Variants in AXL observed in about 807,000 individuals in gnomAD.
AXL encodes the protein AXL receptor tyrosine kinase, also known as tyrosine-protein kinase receptor UFO.
AXL carries 52 observed loss-of-function variants against 104.5 expected under a neutral mutation model. The observed-to-expected ratio is 0.50, with a 90% CI of 0.40 to 0.63. The LOEUF (loss-of-function observed/expected upper bound fraction) is 0.63. Ranked by LOEUF, AXL falls within the 20% of genes least tolerant of loss-of-function variation. AXL has a pLI of 0.00. For synonymous variants in AXL, 455 were observed against 473.7 expected (o/e 0.96, Z 0.51); for missense variants, 1,024 against 1,188.5 (o/e 0.86, Z 2.04).
Position 41,258,823 on chromosome 19 carries a change from C to A in AXL, c.2334-730C>A, listed in dbSNP as rs148290878. Reference sequence around the variant, plus strand: ...AAACGTTTATTATCTCACACAATTTCTGAAAGTTGGATACTGGGAACAGCT... The same window carrying A: ...AAACGTTTATTATCTCACACAATTTATGAAAGTTGGATACTGGGAACAGCT... On this transcript the variant is annotated intron_variant, in intron 19 of 19. Transcript: ENST00000301178. Among the ~76,000 whole-genome samples, 28 of 152,320 alleles carry A rather than the reference C, an allele frequency of 1.8e-4. No individual in the cohort carries two copies. In the East Asian group the frequency reaches 5.4e-3, roughly 29 times the overall value.
In AXL at chr19:41,260,009, C is replaced by A; in HGVS notation, c.*105C>A. ...CCACCCCACGCCTTATCCCCACTTG[C>A]AGCCCTGTCTTCCTACCTATCCCAC... On this transcript the variant is annotated 3_prime_UTR_variant, in exon 20 of 20. Transcript: ENST00000301178. 1 of 1,075,412 alleles carries A rather than the reference C, an allele frequency of 9.3e-7. No homozygotes were observed. Among genetic ancestry groups the A allele is most frequent in the Non-Finnish European group, 1.3e-6 (1 of 764,734 alleles). The allele number at this position is 1,075,412 out of a possible 1,614,324, so 66.6% of individuals were successfully genotyped here. A position where few individuals can be genotyped will look rare whatever the true frequency, so the allele number is the denominator to read the frequency against.
At chr19:41,238,737 A>G (rs2034128493) in intron 8 of AXL, 128 bp downstream of exon 8, 2 of 1,333,622 alleles carry the variant, frequency 1.5e-6, no homozygotes, top group Middle Eastern at 2.1e-4. Flanking sequence ...GGGCACATTC[A>G]GGGAAGGTTC....
intron 14 of AXL, among the ~76,000 whole-genome samples, chr19:41,251,185 C>A (rs1042566653): frequency 6.6e-6 from 1 of 152,146 alleles, no homozygotes; most frequent in Non-Finnish European, 1.5e-5. Context: ...TGCCTGTAAT[C>A]CCAGTGCTTT....
At chr19:41,240,843 C>T (rs4803450) in intron 10 of AXL, among the ~76,000 whole-genome samples, 1 of 152,058 alleles carries the variant, frequency 6.6e-6, no homozygotes, top group Non-Finnish European at 1.5e-5. Context: ...TTCCCACACC[C>T]GATTCTCCTT....
rs1345028897 is a variant in AXL, at chr19:41,261,729, G to A, written c.*1825G>A. 6.6e-6 allele frequency: 1 copy of A among 152,470 alleles called. No individual in the cohort carries two copies. The allele number at this position is 152,470 out of a possible 1,614,324, so 9.4% of individuals were successfully genotyped here. A position where few individuals can be genotyped will look rare whatever the true frequency, so the allele number is the denominator to read the frequency against. On this transcript the variant is annotated 3_prime_UTR_variant, in exon 20 of 20. Coordinates refer to ENST00000301178, the MANE Select transcript of AXL (RefSeq NM_021913.5). ...CAGAGTGTGGACTCTGGTGCCTCCA[G>A]AGGGGCTCAGGTCACATAAAACTTT...
chr19:41,248,956 A>G, intron 14 of AXL, 136 bp downstream of exon 14: 2 of 870,458 alleles, frequency 2.3e-6, no homozygotes, highest in Non-Finnish European at 3.5e-6. Context: ...CAGGTACCTC[A>G]ATAGAAGGAA....
chr19:41,238,124 C>T lies in AXL; in HGVS notation c.964C>T (p.His322Tyr), dbSNP rs1437883950. 1 of 1,614,124 alleles carries T rather than the reference C, an allele frequency of 6.2e-7. No individual in the cohort carries two copies. Among genetic ancestry groups the T allele is most frequent in the Non-Finnish European group, 8.5e-7 (1 of 1,180,018 alleles). Residue 322 changes from histidine (H) to tyrosine (Y), a missense_variant, in exon 7 of 20, where the codon CAC becomes TAC. His to Tyr is a moderately conservative substitution (Grantham distance 83, BLOSUM62 2). Around this residue, in one of 5 missense-constraint regions of AXL, gnomAD observed 332 missense variants for 343.9 expected, o/e 0.97. Coordinates refer to ENST00000301178, the MANE Select transcript of AXL (RefSeq NM_021913.5). ...TSSQGPSSWTHWLPVETPEGV... is the reference protein window; with the variant it reads ...TSSQGPSSWTYWLPVETPEGV... ...CAGCCAGGGCCCCTCATCCTGGACC[C>T]ACTGGCTTCCTGTGGAGACGCCGGA...
chr19:41,251,879 C>T (rs763149853), intron 14 of AXL, among the ~76,000 whole-genome samples: 2 of 151,528 alleles, frequency 1.3e-5, no homozygotes, highest in Non-Finnish European at 2.9e-5. Context: ...TTTGGGAGGC[C>T]GAGGCGGGCA....
intron 1 of AXL, chr19:41,220,422 C>T (rs557832833): frequency 1.7e-4 from 92 of 542,378 alleles, no homozygotes; most frequent in East Asian, 2.5e-4. Flanking sequence ...TCCTTCCCGA[C>T]GGGATGGACG....
chr19:41,241,426 C>T (rs1306306613), intron 10 of AXL, among the ~76,000 whole-genome samples: 1 of 151,742 alleles, frequency 6.6e-6, no homozygotes, highest in African/African-American at 2.4e-5. Flanking sequence ...AGCCTGTAAT[C>T]CCAGCTGCTC....
intron 12 of AXL, among the ~76,000 whole-genome samples, chr19:41,247,677 G>A (rs929322050): frequency 4.6e-5 from 7 of 151,256 alleles, no homozygotes; most frequent in African/African-American, 1.5e-4. Flanking sequence ...CTCCACCCCT[G>A]GGCTCAAGTG....
chr19:41,221,864 C>T lies in AXL; in HGVS notation c.410-16C>T, dbSNP rs201836604. 1.4e-4 allele frequency: 233 copies of T among 1,612,404 alleles called. 1 individual carries two copies. The East Asian group carries it at 3.6e-3, about 25-fold the overall frequency. On this transcript the variant is annotated splice_polypyrimidine_tract_variant and intron_variant, in intron 3 of 19. Coordinates refer to ENST00000301178, the MANE Select transcript of AXL (RefSeq NM_021913.5). The stretch of plus-strand genomic sequence containing the variant: ...CTCAGAGGGACCCCAGCCTCTACCA[C>T]TGCCCACCCCGCTAGGCTTGCCTTA...
intron 6 of AXL, among the ~76,000 whole-genome samples, chr19:41,235,088 C>G (rs564487909): frequency 3.3e-5 from 5 of 152,128 alleles, no homozygotes; most frequent in East Asian, 3.9e-4. Flanking sequence ...CACGGTGGCT[C>G]GTGCCTGTGA....
rs768003129 is a variant in AXL, at chr19:41,259,770, T to A, written c.2551T>A (p.Ser851Thr). The A allele has an allele frequency of 2.0e-5, 33 of 1,613,938 alleles. No homozygotes were observed. Among genetic ancestry groups the A allele is most frequent in the Non-Finnish European group, 5.1e-6 (6 of 1,179,996 alleles). The change falls in exon 20 of 20, where the codon TCC (serine) becomes ACC (threonine). Residue 851 changes from serine (S) to threonine (T), a missense_variant. Around this residue, in one of 5 missense-constraint regions of AXL, gnomAD observed 523 missense variants for 636.0 expected, o/e 0.82. Transcript: ENST00000301178. ...CCCAACCCAGCCAGACCCTAAGGAT[T>A]CCTGTAGCTGCCTCACTGCGGCTGA... ...DPPTQPDPKDSCSCLTAAEVH... is the reference protein window; with the variant it reads ...DPPTQPDPKDTCSCLTAAEVH...
intron 4 of AXL, among the ~76,000 whole-genome samples, chr19:41,227,646 C>T (rs771989091): frequency 7.2e-5 from 11 of 151,950 alleles, no homozygotes; most frequent in Admixed American, 2.0e-4. Context: ...CCACCATGCC[C>T]GGCTGATTTT....
chr19:41,242,925 A>C lies in AXL; in HGVS notation c.1355A>C (p.Tyr452Ser). 19 of 1,614,152 alleles carry C rather than the reference A, an allele frequency of 1.2e-5. No homozygotes were observed. Among genetic ancestry groups the C allele is most frequent in the Non-Finnish European group, 1.5e-5 (18 of 1,180,000 alleles). The change falls in exon 11 of 20, where the codon TAT becomes TCT. Residue 452 changes from tyrosine to serine, a missense_variant. Physicochemically the swap from Tyr to Ser is moderately radical, Grantham distance 144. Around this residue, in one of 5 missense-constraint regions of AXL, gnomAD observed 523 missense variants for 636.0 expected, o/e 0.82. Transcript: ENST00000301178. ...CCTGCCTTCTCGTGGCCCTGGTGGT[A>C]TGTACTGCTAGGAGCAGTCGTGGCC... is the stretch of plus-strand genomic sequence containing the variant. ...STPAFSWPWW[Y>S]VLLGAVVAAA...
intron 6 of AXL, 119 bp downstream of exon 6, chr19:41,231,417 CTGGGGGGTT>C: frequency 4.3e-6 from 4 of 937,084 alleles, no homozygotes; most frequent in Non-Finnish European, 6.3e-6. Context: ...GCAGTAGAGC[CTGGGGGGTT>C]AAGCCAGATG....
At chr19:41,228,924 T>TTTTC (rs1351069846) in intron 4 of AXL, among the ~76,000 whole-genome samples, 55 of 151,070 alleles carry the variant, frequency 3.6e-4, no homozygotes, top group African/African-American at 1.3e-3. Flanking sequence ...TTATTGTATT[T>TTTTC]TTTCTTTCTT....
At chr19:41,258,848 T>A (rs2034492875) in intron 19 of AXL, among the ~76,000 whole-genome samples, 1 of 152,246 alleles carries the variant, frequency 6.6e-6, no homozygotes, top group East Asian at 1.9e-4. Flanking sequence ...TGGGAACAGC[T>A]TAGCAGGGTG....
Sources: allele counts gnomAD v4.1 joint callset (sites outside exome capture counted in the v4.1 genomes callset), GRCh38; gene constraint gnomAD v4.1.1; regional missense constraint gnomAD v4.1.1; transcripts MANE v1.5; gene names NCBI Gene and HGNC (gene_info 2026-07-23, HGNC 2026-07-21).